Variants in MGAT4C observed in about 807,000 individuals in gnomAD.
MGAT4C encodes alpha-1,3-mannosyl-glycoprotein 4-beta-N-acetylglucosaminyltransferase C.
Under a neutral mutation model 40.1 loss-of-function variants are expected in MGAT4C, and 19 were observed. That is an observed-to-expected ratio of 0.47 (90% CI 0.33 to 0.70). MGAT4C has a LOEUF of 0.70. Ranked by LOEUF, MGAT4C falls within the 30% of genes least tolerant of loss-of-function variation. MGAT4C has a pLI of 0.02. For synonymous variants in MGAT4C, 181 were observed against 187.1 expected (o/e 0.97, Z 0.27); for missense variants, 491 against 563.2 (o/e 0.87, Z 1.30).
At chr12:86,169,793 T>G (rs1380996395) in intron 1 of MGAT4C, among the ~76,000 whole-genome samples, 1 of 152,162 alleles carries the variant, frequency 6.6e-6, no homozygotes, top group Non-Finnish European at 1.5e-5. Context: ...TGGAGTATAT[T>G]TCACTCTCAA....
At chr12:86,792,233 G>T (rs142588369) in intron 1 of MGAT4C, among the ~76,000 whole-genome samples, 5 of 152,244 alleles carry the variant, frequency 3.3e-5, no homozygotes, top group African/African-American at 1.2e-4. Context: ...CTACCTAAAA[G>T]ATAGTTTTGA....
At chr12:86,313,677 G>A (rs1954132269) in intron 4 of MGAT4C, among the ~76,000 whole-genome samples, 1 of 152,140 alleles carries the variant, frequency 6.6e-6, no homozygotes, top group Non-Finnish European at 1.5e-5. Context: ...TTGTTTTTCT[G>A]TGACTAGGTT....
intron 1 of MGAT4C, among the ~76,000 whole-genome samples, chr12:86,762,194 G>A (rs1343212967): frequency 6.6e-6 from 1 of 151,922 alleles, no homozygotes; most frequent in African/African-American, 2.4e-5. Context: ...TGGGACTGCA[G>A]GTATAAGCCA....
intron 1 of MGAT4C, among the ~76,000 whole-genome samples, chr12:86,241,373 C>T (rs925450276): frequency 4.6e-5 from 7 of 152,116 alleles, no homozygotes; most frequent in Non-Finnish European, 1.0e-4. Context: ...TTCCAAGTAT[C>T]TCTCCCTCTA....
At chr12:86,685,825 C>T (rs1320631245) in intron 2 of MGAT4C, among the ~76,000 whole-genome samples, 1 of 149,762 alleles carries the variant, frequency 6.7e-6, no homozygotes, top group Non-Finnish European at 1.5e-5. Context: ...TTATTTGGCT[C>T]TCTGTTTTTC....
At chr12:86,684,469 G>T (rs1337470122) in intron 2 of MGAT4C, among the ~76,000 whole-genome samples, 1 of 152,162 alleles carries the variant, frequency 6.6e-6, no homozygotes, top group South Asian at 2.1e-4. Context: ...CTTTGCTCAG[G>T]TAAATAGTGC....
intron 2 of MGAT4C, among the ~76,000 whole-genome samples, chr12:86,532,931 G>A (rs778746327): frequency 2.6e-5 from 4 of 151,878 alleles, no homozygotes; most frequent in South Asian, 2.1e-4. Flanking sequence ...TTACAGAGAC[G>A]ATTTATTATA....
chr12:86,233,375 A>G (rs1951405645), intron 1 of MGAT4C, among the ~76,000 whole-genome samples: 1 of 152,240 alleles, frequency 6.6e-6, no homozygotes, highest in African/African-American at 2.4e-5. Flanking sequence ...ATTATAGGCT[A>G]GCAGACACTT....
At chr12:86,066,689 CA>C (rs559977439) in intron 1 of MGAT4C, among the ~76,000 whole-genome samples, 569 of 152,198 alleles carry the variant, frequency 3.7e-3, no homozygotes, top group African/African-American at 0.013. Flanking sequence ...GAAATGGCAA[CA>C]AAAGTCAAAA....
chr12:86,508,371 C>A (rs912522797), intron 2 of MGAT4C, among the ~76,000 whole-genome samples: 4 of 152,122 alleles, frequency 2.6e-5, no homozygotes, highest in Admixed American at 2.0e-4. Context: ...ATCCATGTCC[C>A]TACAAAGGAC....
intron 4 of MGAT4C, among the ~76,000 whole-genome samples, chr12:86,271,919 T>C (rs1305107943): frequency 1.3e-5 from 2 of 152,202 alleles, no homozygotes; most frequent in Admixed American, 1.3e-4. Context: ...AAATATCACA[T>C]GTTCTCACTT....
intron 3 of MGAT4C, among the ~76,000 whole-genome samples, chr12:86,410,416 G>A (rs951632731): frequency 6.6e-6 from 1 of 152,124 alleles, no homozygotes; most frequent in African/African-American, 2.4e-5. Context: ...AAAGAATTAA[G>A]CGATATCTCT....
At chr12:86,621,844 C>A (rs1962649283) in intron 2 of MGAT4C, among the ~76,000 whole-genome samples, 1 of 152,124 alleles carries the variant, frequency 6.6e-6, no homozygotes, top group South Asian at 2.1e-4. Flanking sequence ...ATTTTAGAAA[C>A]CACATTTTAA....
At chr12:86,101,834 G>T (rs1009502023) in intron 1 of MGAT4C, among the ~76,000 whole-genome samples, 6 of 151,874 alleles carry the variant, frequency 4.0e-5, no homozygotes, top group Non-Finnish European at 8.8e-5. Context: ...AGATTTAAAG[G>T]CTATGCATTA....
intron 2 of MGAT4C, among the ~76,000 whole-genome samples, chr12:86,560,785 C>T (rs568823234): frequency 5.8e-4 from 89 of 152,224 alleles, no homozygotes; most frequent in Non-Finnish European, 1.0e-3. Context: ...ACTGAAAGTA[C>T]TATTCAGAGC....
chr12:86,344,440 G>T (rs1278825579), intron 3 of MGAT4C, among the ~76,000 whole-genome samples: 2 of 151,766 alleles, frequency 1.3e-5, no homozygotes, highest in African/African-American at 4.8e-5. Context: ...AGCATTCCTG[G>T]GCCAAAAGAA....
intron 1 of MGAT4C, among the ~76,000 whole-genome samples, chr12:86,086,054 T>C (rs1871763135): frequency 6.6e-6 from 1 of 151,958 alleles, no homozygotes; most frequent in African/African-American, 2.4e-5. Flanking sequence ...ATACCCAAAA[T>C]ATTATAAATC....
intron 2 of MGAT4C, among the ~76,000 whole-genome samples, chr12:86,505,137 T>A (rs1958448990): frequency 6.6e-6 from 1 of 152,058 alleles, no homozygotes; most frequent in South Asian, 2.1e-4. Context: ...TAAAGTATAA[T>A]TCCTAGAGAA....
chr12:86,582,723 G>A (rs1330763009), intron 2 of MGAT4C, among the ~76,000 whole-genome samples: 1 of 151,220 alleles, frequency 6.6e-6, no homozygotes, highest in African/African-American at 2.4e-5. Flanking sequence ...TGGTGATATT[G>A]AATAGGCTGG....
Sources: gnomAD v4.1 joint callset for allele counts (sites outside exome capture counted in the v4.1 genomes callset) on GRCh38, gnomAD v4.1.1 for gene constraint, MANE v1.5 for transcripts, NCBI Gene and HGNC (gene_info 2026-07-23, HGNC 2026-07-21) for gene names.